The following COLGALT2 variants were observed in gnomAD, a reference collection of about 807,000 sequenced individuals.
COLGALT2 encodes the protein collagen beta(1-O)galactosyltransferase 2.
Under a neutral mutation model 73.4 loss-of-function variants are expected in COLGALT2, and 49 were observed. The ratio of observed to expected loss-of-function variants is 0.67; its 90% CI spans 0.53 to 0.85. COLGALT2 has a LOEUF of 0.85. COLGALT2 is among the 40% of genes least tolerant of loss of function. The probability of loss-of-function intolerance (pLI) is 0.00; values close to 1 mark genes in which losing one functional copy is unlikely to be tolerated. For synonymous variants in COLGALT2, 295 were observed against 307.6 expected, an observed-to-expected ratio of 0.96 and a Z score of 0.43; for missense variants, 722 against 790.2, an observed-to-expected ratio of 0.91 and a Z score of 1.03.
chr1:184,031,975 C>A (rs893635665), intron 1 of COLGALT2, among the ~76,000 whole-genome samples: 4 of 150,846 alleles, frequency 2.7e-5, no homozygotes, highest in Non-Finnish European at 1.5e-5. Context: ...CGGCTTGCTG[C>A]AACCTCCACC....
chr1:183,938,936 A>G lies in COLGALT2; in HGVS notation c.1706T>C (p.Leu569Pro). 1 of 1,614,112 alleles carries G rather than the reference A, an allele frequency of 6.2e-7. No individual in the cohort carries two copies. Among genetic ancestry groups the G allele is most frequent in the Admixed American group, 1.7e-5 (1 of 60,028 alleles). The change falls in exon 12 of 12, where the codon CTG (leucine) becomes CCG (proline). Residue 569 changes from leucine (L) to proline (P), a missense_variant. Transcript: ENST00000361927. Reference sequence around the variant, plus strand: ...GATGGTGGAGGTCTCCGTGTCACTCAGGTACCCCGGCTGGCCTGTGTAGTG... The same window carrying G: ...GATGGTGGAGGTCTCCGTGTCACTCGGGTACCCCGGCTGGCCTGTGTAGTG... ...PTHYTGQPGY[L>P]SDTETSTIWD...
intron 1 of COLGALT2, among the ~76,000 whole-genome samples, chr1:184,015,913 T>G (rs1017812211): frequency 8.5e-5 from 13 of 152,250 alleles, no homozygotes; most frequent in Non-Finnish European, 1.8e-4. Flanking sequence ...ATATTCTAAT[T>G]CACTGTAATT....
chr1:184,014,979 G>T (rs2102850385), intron 1 of COLGALT2, among the ~76,000 whole-genome samples: 1 of 152,254 alleles, frequency 6.6e-6, no homozygotes, highest in East Asian at 1.9e-4. Context: ...CCACTTGAGG[G>T]TGGAGGGATT....
At chr1:184,002,401 G>A (rs1671955223) in intron 1 of COLGALT2, among the ~76,000 whole-genome samples, 1 of 152,208 alleles carries the variant, frequency 6.6e-6, no homozygotes, top group Admixed American at 6.5e-5. Context: ...TGAGGAGTAG[G>A]AGGCTAGAAG....
intron 1 of COLGALT2, among the ~76,000 whole-genome samples, chr1:184,034,343 C>T (rs1649607511): frequency 6.6e-6 from 1 of 151,240 alleles, no homozygotes; most frequent in African/African-American, 2.4e-5. Flanking sequence ...TCCTTCTTTC[C>T]CAGGTTTTAG....
intron 6 of COLGALT2, among the ~76,000 whole-genome samples, chr1:183,959,511 C>T (rs1265400470): frequency 6.6e-6 from 1 of 152,146 alleles, no homozygotes; most frequent in Non-Finnish European, 1.5e-5. Context: ...CCTTCATGGA[C>T]TGCATTCAGG....
chr1:183,985,267 C>G (rs1484518513), intron 1 of COLGALT2, among the ~76,000 whole-genome samples: 4 of 151,966 alleles, frequency 2.6e-5, no homozygotes, highest in African/African-American at 9.7e-5. Context: ...GGACACAGTA[C>G]TCCTTTATTT....
chr1:183,972,738 C>G (rs1469267350), intron 4 of COLGALT2, among the ~76,000 whole-genome samples: 1 of 150,264 alleles, frequency 6.7e-6, no homozygotes, highest in Non-Finnish European at 1.5e-5. Context: ...CTCGCTCTGT[C>G]ACCCAGGCTG....
chr1:183,985,563 G>A (rs181097002), intron 1 of COLGALT2, among the ~76,000 whole-genome samples: 82 of 152,262 alleles, frequency 5.4e-4, no homozygotes, highest in African/African-American at 1.9e-3. Flanking sequence ...ATGAGCCACC[G>A]CACCCGGCCA....
chr1:184,018,221 G>A (rs1347328842), intron 1 of COLGALT2, among the ~76,000 whole-genome samples: 2 of 152,072 alleles, frequency 1.3e-5, no homozygotes, highest in Admixed American at 6.6e-5. Context: ...AGTGGGCTAC[G>A]ATCATGCCAC....
downstream of COLGALT2, among the ~76,000 whole-genome samples, chr1:183,931,944 C>T (rs547657109): frequency 2.0e-5 from 3 of 151,404 alleles, no homozygotes; most frequent in South Asian, 2.1e-4. Context: ...CCTTTGACAT[C>T]GATTTCTGAT....
intron 1 of COLGALT2, among the ~76,000 whole-genome samples, chr1:183,990,580 A>C (rs577825841): frequency 1.3e-5 from 2 of 152,322 alleles, no homozygotes; most frequent in East Asian, 3.9e-4. Flanking sequence ...GAGTGGCTAG[A>C]AAGGTGTGGG....
intron 5 of COLGALT2, 129 bp from the exon 6 acceptor site, chr1:183,964,149 G>A: frequency 9.6e-7 from 1 of 1,040,638 alleles, no homozygotes; most frequent in Non-Finnish European, 1.4e-6. Context: ...GGTTGTTTCA[G>A]GTATGTCTAT....
chr1:183,945,123 T>G (rs1670214055), intron 9 of COLGALT2, among the ~76,000 whole-genome samples: 1 of 152,220 alleles, frequency 6.6e-6, no homozygotes, highest in Admixed American at 6.5e-5. Context: ...ATAAAATCAC[T>G]TAATAAGTGA....
Position 183,973,675 on chromosome 1 carries a change from C to T in COLGALT2, c.568G>A (p.Ala190Thr), listed in dbSNP as rs749366747. The change falls in exon 4 of 12, where the codon GCC (alanine) becomes ACC (threonine). Residue 190 changes from alanine to threonine, a missense_variant. Ala to Thr is a moderately conservative substitution (Grantham distance 58, BLOSUM62 0). Coordinates refer to ENST00000361927, the MANE Select transcript of COLGALT2 (RefSeq NM_015101.4). ...LLIAENKTIV[A>T]PMLESRGLYS... is the part of the protein sequence containing the mutation. ...AGGCCCCGAGACTCCAGCATGGGGG[C>T]CACAATAGTTTTGTTTTCTGCAATC... 14 of 1,613,846 alleles carry T rather than the reference C, an allele frequency of 8.7e-6. No homozygotes were observed. Among genetic ancestry groups the T allele is most frequent in the Non-Finnish European group, 1.2e-5 (14 of 1,179,932 alleles).
chr1:183,959,926 T>C (rs933712020), intron 6 of COLGALT2, among the ~76,000 whole-genome samples: 1 of 152,178 alleles, frequency 6.6e-6, no homozygotes, highest in African/African-American at 2.4e-5. Context: ...AGTCTTTACA[T>C]GTGCTGTTCT....
intron 7 of COLGALT2, among the ~76,000 whole-genome samples, chr1:183,951,928 TA>T (rs1449440252): frequency 5.3e-5 from 8 of 152,202 alleles, no homozygotes; most frequent in African/African-American, 1.9e-4. Context: ...GGCAGCACAC[TA>T]CCTGCCTTCA....
In COLGALT2 at chr1:183,936,981, G is replaced by T; in HGVS notation, c.*1780C>A. On this transcript the variant is annotated 3_prime_UTR_variant, in exon 12 of 12. Transcript: ENST00000361927. ...TGAGGCTGCCTTGACTACCTATTTG[G>T]TGATGAGACAGCTTGGTGATCACTT... 8.1e-7 allele frequency: 1 copy of T among 1,231,748 alleles called. No individual in the cohort carries two copies. The highest frequency in any genetic ancestry group is 1.0e-6 in the Non-Finnish European group (1 of 987,984). The allele number at this position is 1,231,748 out of a possible 1,614,324, so 76.3% of individuals were successfully genotyped here.
intron 1 of COLGALT2, among the ~76,000 whole-genome samples, chr1:184,032,238 G>A (rs922716081): frequency 2.0e-5 from 3 of 152,136 alleles, no homozygotes; most frequent in Admixed American, 6.5e-5. Flanking sequence ...TTGTTGGAAA[G>A]AAGAAACTAA....
Sources: gnomAD v4.1 joint callset for allele counts (sites outside exome capture counted in the v4.1 genomes callset) on GRCh38, gnomAD v4.1.1 for gene constraint, MANE v1.5 for transcripts, NCBI Gene and HGNC (gene_info 2026-07-23, HGNC 2026-07-21) for gene names.